Variants in MAX observed in about 807,000 individuals in gnomAD.
MAX encodes protein max.
In MAX, 3 loss-of-function variants were observed where a neutral mutation model predicts 22.3. The observed-to-expected ratio is 0.13, with a 90% CI of 0.06 to 0.35. The LOEUF (loss-of-function observed/expected upper bound fraction) is 0.35, where lower values mean the gene tolerates loss of function less well. Ranked by LOEUF, MAX falls within the 10% of genes least tolerant of loss-of-function variation. The pLI is 1.00. For missense variants in MAX, 119 were observed against 209.4 expected (o/e 0.57, Z 2.66); for synonymous variants, 72 against 77.7 (o/e 0.93, Z 0.39).
At chr14:65,059,105 C>G (rs1045883380) in intron 3 of MAX, among the ~76,000 whole-genome samples, 31 of 152,158 alleles carry the variant, frequency 2.0e-4, no homozygotes, top group African/African-American at 6.5e-4. Flanking sequence ...TCACTGCAGC[C>G]TGGAACTCCT....
chr14:65,082,766 T>TA lies in MAX; in HGVS notation c.172-4731dup, dbSNP rs879664043. On this transcript the variant is annotated intron_variant, in intron 3 of 4. Transcript: ENST00000358664. The surrounding 1 kb of genome is among the most constrained non-coding windows in gnomAD (Gnocchi z 4.8). ...TGAAAAAAAAGAGTGAGACCCTGTATAAAAAAAAAAAAGTGAAAAATGGTA... is the reference window on the plus strand; with the variant it reads ...TGAAAAAAAAGAGTGAGACCCTGTATAAAAAAAAAAAAAGTGAAAAATGGTA... 9.5e-4 allele frequency among the ~76,000 whole-genome samples: 131 copies of TA among 138,494 alleles called. No homozygotes were observed. The highest frequency in any genetic ancestry group is 1.2e-3 in the Admixed American group (17 of 13,894). The allele number at this position is 138,494 out of a possible 152,430, so 90.9% of individuals were successfully genotyped here. A position where few individuals can be genotyped will look rare whatever the true frequency, so the allele number is the denominator to read the frequency against.
chr14:65,097,558 T>A (rs1002479128), intron 2 of MAX, among the ~76,000 whole-genome samples: 2 of 152,054 alleles, frequency 1.3e-5, no homozygotes, highest in African/African-American at 2.4e-5. Context: ...TCTCAGCATA[T>A]AGGGAATTAG....
chr14:65,040,483 C>T lies in MAX; in HGVS notation c.172-34199G>A, dbSNP rs118020429. ...GGAGACCTAGTCTCACTCTTTCACC[C>T]GGGCTGGAGCACAATGGTGTGATCA... is the stretch of plus-strand genomic sequence containing the variant. On this transcript the variant is annotated intron_variant, in intron 3 of 3. Transcript: ENST00000341653. 9.6e-3 allele frequency among the ~76,000 whole-genome samples: 1,462 copies of T among 151,934 alleles called. 44 individuals carry two copies. The East Asian group carries it at 0.12, about 13-fold the overall frequency.
chr14:65,025,144 A>T (rs2061956684), intron 3 of MAX, among the ~76,000 whole-genome samples: 1 of 152,200 alleles, frequency 6.6e-6, no homozygotes, highest in African/African-American at 2.4e-5. Context: ...AGCCCCAGAC[A>T]GTCAGATGCA....
At position 65,084,765 on chromosome 14, in the gene MAX, A is replaced by C. The variant is rs1423845568; in HGVS notation, c.172-6729T>G. On this transcript the variant is annotated intron_variant, in intron 3 of 4. Transcript: ENST00000358664. This position sits in a 1 kb window ranked among gnomAD's most constrained non-coding sequence, Gnocchi z 4.3. ...ATATTATGTAAAAGCAGCAAGCTAT[A>C]AATAGTACTTTCCCTGTGGGGAGCA... 6.6e-6 allele frequency among the ~76,000 whole-genome samples: 1 copy of C among 152,260 alleles called. No homozygotes were observed. The highest frequency in any genetic ancestry group is 6.5e-5 in the Admixed American group (1 of 15,288).
At position 65,009,464 on chromosome 14, in the gene MAX, C is replaced by T. The variant is rs1026135723; in HGVS notation, c.172-3180G>A. On this transcript the variant is annotated intron_variant, in intron 3 of 3. Coordinates refer to the MAX transcript ENST00000341653. This position sits in a 1 kb window ranked among gnomAD's most constrained non-coding sequence, Gnocchi z 4.2. ...CTTGACTCCTAGTTCCTGAGAAAAT[C>T]GAGGCTGACCCACCTGACTTTCCTG... Among the ~76,000 whole-genome samples, 1 of 152,144 alleles carries T rather than the reference C, an allele frequency of 6.6e-6. No homozygotes were observed. Among genetic ancestry groups the T allele is most frequent in the African/African-American group, 2.4e-5 (1 of 41,416 alleles).
chr14:65,044,534 T>A lies in MAX; in HGVS notation c.172-38250A>T. 1 of 1,522,666 alleles carries A rather than the reference T, an allele frequency of 6.6e-7. No homozygotes were observed. The highest frequency in any genetic ancestry group is 8.8e-7 in the Non-Finnish European group (1 of 1,139,932). The allele number at this position is 1,522,666 out of a possible 1,614,324, so 94.3% of individuals were successfully genotyped here. A position where few individuals can be genotyped will look rare whatever the true frequency, so the allele number is the denominator to read the frequency against. The stretch of plus-strand genomic sequence containing the variant: ...GCCCAGCGTGCTTTTTTAGAGGGGT[T>A]GAAATGAGCTCTGTCTATCCTGGAT... On this transcript the variant is annotated intron_variant, in intron 3 of 3. Coordinates refer to the MAX transcript ENST00000341653. The surrounding 1 kb of genome is among the most constrained non-coding windows in gnomAD (Gnocchi z 5.5).
intron 3 of MAX, among the ~76,000 whole-genome samples, chr14:65,026,538 C>T (rs1358774032): frequency 6.6e-6 from 1 of 152,204 alleles, no homozygotes; most frequent in Non-Finnish European, 1.5e-5. Context: ...CTTCTGTTCT[C>T]CCAGCCATGG....
At chr14:65,049,845 G>A (rs1490427854) in intron 3 of MAX, among the ~76,000 whole-genome samples, 4 of 151,752 alleles carry the variant, frequency 2.6e-5, no homozygotes, top group Non-Finnish European at 4.4e-5. Flanking sequence ...ATTCAGTTGC[G>A]AACCATCATG....
intron 3 of MAX, among the ~76,000 whole-genome samples, chr14:65,087,998 T>TTCCCTGCACAAGCTCTC (rs2063387672): frequency 6.6e-6 from 1 of 152,094 alleles, no homozygotes. Context: ...AAACAGGAGT[T>TTCCCTGCACAAGCTCTC]TCCCTGCACA....
chr14:65,061,676 G>A, intron 3 of MAX: 61 of 200,502 alleles, frequency 3.0e-4, no homozygotes, highest in South Asian at 9.9e-4. Context: ...ACTCCCACTT[G>A]CACGCCACCA....
intron 3 of MAX, among the ~76,000 whole-genome samples, chr14:65,056,117 A>G (rs995018191): frequency 2.6e-5 from 4 of 152,232 alleles, no homozygotes; most frequent in Admixed American, 6.5e-5. Flanking sequence ...TATAAGCAAT[A>G]TAACAGTTGC....
rs1045882681 is a variant in MAX, at chr14:65,009,007, C to G, written c.172-2723G>C. Among the ~76,000 whole-genome samples the G allele has an allele frequency of 6.6e-6, 1 of 152,156 alleles. No homozygotes were observed. Among genetic ancestry groups the G allele is most frequent in the African/African-American group, 2.4e-5 (1 of 41,414 alleles). On this transcript the variant is annotated intron_variant, in intron 3 of 3. Coordinates refer to the MAX transcript ENST00000341653. The surrounding 1 kb of genome is among the most constrained non-coding windows in gnomAD (Gnocchi z 4.2). ...CATCCCACCCTGCACCCCCTCAAGTCCTGCACGAAACCTGTCTTATTCTGC... is the reference window on the plus strand; with the variant it reads ...CATCCCACCCTGCACCCCCTCAAGTGCTGCACGAAACCTGTCTTATTCTGC...
At chr14:65,022,288 T>TA (rs1427833758) in intron 3 of MAX, among the ~76,000 whole-genome samples, 1 of 151,816 alleles carries the variant, frequency 6.6e-6, no homozygotes, top group Non-Finnish European at 1.5e-5. Flanking sequence ...TTTTCTGTTT[T>TA]TTTTTTTTTA....
intron 3 of MAX, among the ~76,000 whole-genome samples, chr14:65,018,891 A>C (rs961264309): frequency 6.6e-6 from 1 of 151,626 alleles, no homozygotes; most frequent in African/African-American, 2.4e-5. Flanking sequence ...TGGGTGGATC[A>C]CCTGAGGTCG....
chr14:65,010,293 C>G (rs2061663252), intron 3 of MAX, among the ~76,000 whole-genome samples: 1 of 152,220 alleles, frequency 6.6e-6, no homozygotes, highest in Non-Finnish European at 1.5e-5. Context: ...TGTTTCCAAA[C>G]TTCTCTCTCT....
chr14:65,097,932 C>T (rs2063716182), intron 2 of MAX, among the ~76,000 whole-genome samples: 1 of 152,202 alleles, frequency 6.6e-6, no homozygotes, highest in South Asian at 2.1e-4. Flanking sequence ...ACATTTCCAA[C>T]ATTATCTAAT....
chr14:65,064,682 T>C (rs111294610), intron 3 of MAX, among the ~76,000 whole-genome samples: 5 of 152,350 alleles, frequency 3.3e-5, no homozygotes, highest in African/African-American at 1.2e-4. Flanking sequence ...GGCCAAAGTC[T>C]TGGTCACATG....
chr14:65,029,453 T>TA lies in MAX; in HGVS notation c.172-23170dup, dbSNP rs947480429. 3.9e-5 allele frequency among the ~76,000 whole-genome samples: 6 copies of TA among 152,218 alleles called. No individual in the cohort carries two copies. Among genetic ancestry groups the TA allele is most frequent in the African/African-American group, 1.2e-4 (5 of 41,458 alleles). ...TCTCTGGATGATCTTTCTGCTCTGTTACACTGCTGATAGTTTCAGAGATGA... is the reference window on the plus strand; with the variant it reads ...TCTCTGGATGATCTTTCTGCTCTGTTAACACTGCTGATAGTTTCAGAGATGA... On this transcript the variant is annotated intron_variant, in intron 3 of 3. Transcript: ENST00000341653. This position sits in a 1 kb window ranked among gnomAD's most constrained non-coding sequence, Gnocchi z 4.7.
Sources: gnomAD v4.1 joint callset for allele counts (sites outside exome capture counted in the v4.1 genomes callset) on GRCh38, gnomAD v4.1.1 for gene constraint, Gnocchi (gnomAD v3.1) non-coding constraint, MANE v1.5 for transcripts, NCBI Gene and HGNC (gene_info 2026-07-23, HGNC 2026-07-21) for gene names.